The following KIAA2012 variants were observed in gnomAD, a reference collection of about 807,000 sequenced individuals.
KIAA2012 encodes KIAA2012.
A neutral mutation model predicts 150.6 loss-of-function variants in KIAA2012; 125 were observed. The observed-to-expected ratio is 0.83, with a 90% CI of 0.72 to 0.96. The LOEUF (loss-of-function observed/expected upper bound fraction) is 0.96, where lower values mean the gene tolerates loss of function less well. Among genes scored for constraint, KIAA2012 ranks in the 40% least tolerant of loss-of-function variants. The pLI is 0.00. For missense variants in KIAA2012, 1,219 were observed against 1,354.9 expected, an observed-to-expected ratio of 0.90 and a Z score of 1.57; for synonymous variants, 462 against 504.7, an observed-to-expected ratio of 0.92 and a Z score of 1.13.
chr2:202,173,068 C>T (rs753231070), intron 15 of KIAA2012, among the ~76,000 whole-genome samples: 4 of 152,152 alleles, frequency 2.6e-5, no homozygotes, highest in Non-Finnish European at 5.9e-5. Context: ...AAGTGGTGCA[C>T]GCTTAAGAAT....
At chr2:202,078,931 C>T (rs1197198101) in intron 2 of KIAA2012, among the ~76,000 whole-genome samples, 2 of 152,070 alleles carry the variant, frequency 1.3e-5, no homozygotes, top group Non-Finnish European at 2.9e-5. Flanking sequence ...TGTGGTGGCT[C>T]ACACCTGTAA....
intron 16 of KIAA2012, among the ~76,000 whole-genome samples, chr2:202,185,861 A>G (rs752979454): frequency 3.9e-5 from 6 of 152,212 alleles, no homozygotes; most frequent in Non-Finnish European, 8.8e-5. Context: ...AGGCTTTTAT[A>G]GAGTGACATT....
At chr2:202,184,659 T>A in intron 15 of KIAA2012, 94 bp from the exon 16 acceptor site, 1 of 798,238 alleles carries the variant, frequency 1.3e-6, no homozygotes, top group Non-Finnish European at 1.9e-6. Flanking sequence ...TTGCATGCCT[T>A]TGGCTACTCA....
intron 15 of KIAA2012, among the ~76,000 whole-genome samples, chr2:202,172,123 A>G (rs1691906631): frequency 6.6e-6 from 1 of 152,182 alleles, no homozygotes; most frequent in Admixed American, 6.5e-5. Flanking sequence ...GCGCCTGGCC[A>G]TTTTTGGCAT....
chr2:202,137,308 A>C (rs969726324), intron 12 of KIAA2012: 7 of 141,222 alleles, frequency 5.0e-5, no homozygotes, highest in African/African-American at 1.9e-4. Context: ...TTAGAACATT[A>C]AAGTTACTTT....
intron 21 of KIAA2012, among the ~76,000 whole-genome samples, chr2:202,194,956 G>A (rs1692389085): frequency 6.6e-6 from 1 of 151,864 alleles, no homozygotes; most frequent in African/African-American, 2.4e-5. Flanking sequence ...TTTTAGTAAA[G>A]ATGGGGTTTC....
intron 15 of KIAA2012, among the ~76,000 whole-genome samples, chr2:202,173,894 A>G (rs1373634863): frequency 6.6e-6 from 1 of 152,236 alleles, no homozygotes; most frequent in Non-Finnish European, 1.5e-5. Flanking sequence ...TGATTTTGAC[A>G]AAGAGTATCC....
intron 14 of KIAA2012, among the ~76,000 whole-genome samples, chr2:202,157,386 G>T (rs1691551545): frequency 6.6e-6 from 1 of 152,174 alleles, no homozygotes; most frequent in Admixed American, 6.6e-5. Flanking sequence ...ATTCATTTGT[G>T]TATCTCCTGC....
intron 13 of KIAA2012, among the ~76,000 whole-genome samples, chr2:202,149,493 A>G (rs969780990): frequency 6.6e-6 from 1 of 152,182 alleles, no homozygotes; most frequent in Non-Finnish European, 1.5e-5. Flanking sequence ...GCTTGCCCGC[A>G]GGTTCCCGGA....
chr2:202,155,715 G>T (rs1467490661), intron 14 of KIAA2012, among the ~76,000 whole-genome samples: 1 of 152,192 alleles, frequency 6.6e-6, no homozygotes, highest in African/African-American at 2.4e-5. Flanking sequence ...CTATAGACTG[G>T]CAGGGCCTTT....
intron 2 of KIAA2012, among the ~76,000 whole-genome samples, chr2:202,087,689 T>C (rs1462682306): frequency 6.6e-6 from 1 of 151,994 alleles, no homozygotes; most frequent in East Asian, 1.9e-4. Flanking sequence ...TGAATGTTGG[T>C]TTTTCTTATT....
At chr2:202,149,569 G>C (rs1691380920) in intron 13 of KIAA2012, among the ~76,000 whole-genome samples, 1 of 152,240 alleles carries the variant, frequency 6.6e-6, no homozygotes, top group Non-Finnish European at 1.5e-5. Context: ...GTTAGACAGT[G>C]AGAGTGTTGC....
At chr2:202,076,867 A>G (rs932305227) in intron 2 of KIAA2012, 38 of 428,390 alleles carry the variant, frequency 8.9e-5, no homozygotes, top group Non-Finnish European at 7.5e-5. Context: ...TCTGCTCTGC[A>G]TCACAGGCAG....
chr2:202,195,467 G>A (rs1382217559), intron 21 of KIAA2012, among the ~76,000 whole-genome samples: 9 of 151,886 alleles, frequency 5.9e-5, no homozygotes, highest in Non-Finnish European at 1.0e-4. Flanking sequence ...GTTGCAGTGA[G>A]CTGAGATAGT....
At chr2:202,091,537 T>C (rs984750856) in intron 3 of KIAA2012, among the ~76,000 whole-genome samples, 1 of 152,114 alleles carries the variant, frequency 6.6e-6, no homozygotes, top group Admixed American at 6.5e-5. Flanking sequence ...CTGTAGATGC[T>C]TGAAAACAAA....
At chr2:202,112,795 T>G (rs755524083) in intron 10 of KIAA2012, among the ~76,000 whole-genome samples, 1 of 152,190 alleles carries the variant, frequency 6.6e-6, no homozygotes, top group Non-Finnish European at 1.5e-5. Context: ...AGTCAGGTTA[T>G]AAAAAATACC....
chr2:202,157,750 C>T (rs1691558580), intron 14 of KIAA2012, among the ~76,000 whole-genome samples: 1 of 152,182 alleles, frequency 6.6e-6, no homozygotes, highest in Non-Finnish European at 1.5e-5. Context: ...AGTGCCTATG[C>T]TCAACCATCT....
chr2:202,196,344 G>A (rs1385826782), intron 21 of KIAA2012, among the ~76,000 whole-genome samples: 5 of 151,634 alleles, frequency 3.3e-5, no homozygotes, highest in Non-Finnish European at 2.9e-5. Flanking sequence ...ACAGGCGCCT[G>A]CCACCACGCC....
At chr2:202,159,882 C>T (rs1346013270) in intron 14 of KIAA2012, among the ~76,000 whole-genome samples, 1 of 152,170 alleles carries the variant, frequency 6.6e-6, no homozygotes, top group African/African-American at 2.4e-5. Flanking sequence ...ATACCTGCCT[C>T]TCAACAGTGA....
Sources: gnomAD v4.1 joint callset for allele counts (sites outside exome capture counted in the v4.1 genomes callset) on GRCh38, gnomAD v4.1.1 for gene constraint, MANE v1.5 for transcripts, NCBI Gene and HGNC (gene_info 2026-07-23, HGNC 2026-07-21) for gene names.